KCNQ3: variants seen among roughly 807,000 people sequenced by gnomAD.
The protein encoded by KCNQ3 is potassium voltage-gated channel subfamily KQT member 3.
In KCNQ3, 30 loss-of-function variants were observed where a neutral mutation model predicts 92.5. The ratio of observed to expected loss-of-function variants is 0.32; its 90% CI spans 0.24 to 0.44. The LOEUF (loss-of-function observed/expected upper bound fraction) is 0.44, where lower values mean the gene tolerates loss of function less well. Ranked by LOEUF, KCNQ3 falls within the 20% of genes least tolerant of loss-of-function variation. The pLI is 1.00. For synonymous variants in KCNQ3, 450 were observed against 468.8 expected, an observed-to-expected ratio of 0.96 and a Z score of 0.52; for missense variants, 913 against 1,140.3, an observed-to-expected ratio of 0.80 and a Z score of 2.87.
In KCNQ3 at chr8:132,122,420, T is replaced by C. The variant is rs1326961614; in HGVS notation, c.*6842A>G. 1 of 152,206 alleles carries C rather than the reference T, an allele frequency of 6.6e-6. No individual in the cohort carries two copies. Among genetic ancestry groups the C allele is most frequent in the Non-Finnish European group, 1.5e-5 (1 of 68,042 alleles). 9.4% of individuals were successfully genotyped at this position (152,206 alleles called of 1,614,324 possible). ...TTTTTATTACTCTTAGGTATCAAAT[T>C]GCAGTCCATTCGACAAGTCTAAGAG... On this transcript the variant is annotated 3_prime_UTR_variant, in exon 15 of 15. Coordinates refer to ENST00000388996, the MANE Select transcript of KCNQ3 (RefSeq NM_004519.4).
At chr8:132,218,825 T>C (rs1226750875) in intron 1 of KCNQ3, among the ~76,000 whole-genome samples, 1 of 152,156 alleles carries the variant, frequency 6.6e-6, no homozygotes, top group Non-Finnish European at 1.5e-5. Context: ...AGATAGAAAA[T>C]TGAAAACAAA....
chr8:132,238,782 T>C (rs553198107), intron 1 of KCNQ3, among the ~76,000 whole-genome samples: 2 of 152,298 alleles, frequency 1.3e-5, no homozygotes, highest in South Asian at 4.2e-4. Context: ...AGAGTCTGTT[T>C]TCCCAGCTTG....
At chr8:132,428,788 TC>T (rs1452358995) in intron 1 of KCNQ3, among the ~76,000 whole-genome samples, 1 of 152,138 alleles carries the variant, frequency 6.6e-6, no homozygotes. Flanking sequence ...TTATATTCAC[TC>T]AGTTACATAA....
chr8:132,399,398 C>T (rs1820277495), intron 1 of KCNQ3, among the ~76,000 whole-genome samples: 2 of 152,180 alleles, frequency 1.3e-5, no homozygotes, highest in Admixed American at 1.3e-4. Flanking sequence ...CTCCCATGCA[C>T]CCAGTGTTTC....
chr8:132,235,294 G>C (rs897386649), intron 1 of KCNQ3, among the ~76,000 whole-genome samples: 1 of 152,168 alleles, frequency 6.6e-6, no homozygotes, highest in African/African-American at 2.4e-5. Context: ...CCTGAGGTCA[G>C]GAGTTCGAGA....
chr8:132,364,769 T>C (rs1202946965), intron 1 of KCNQ3, among the ~76,000 whole-genome samples: 1 of 152,138 alleles, frequency 6.6e-6, no homozygotes, highest in Non-Finnish European at 1.5e-5. Flanking sequence ...GGTGGATGGA[T>C]GGGTGAGTCA....
intron 1 of KCNQ3, among the ~76,000 whole-genome samples, chr8:132,292,401 T>A (rs1816885629): frequency 6.6e-6 from 1 of 152,190 alleles, no homozygotes; most frequent in Admixed American, 6.5e-5. Context: ...AAAAAGAGGT[T>A]CAGAGAGATG....
At chr8:132,320,759 G>A (rs561844305) in intron 1 of KCNQ3, among the ~76,000 whole-genome samples, 4 of 152,172 alleles carry the variant, frequency 2.6e-5, no homozygotes, top group East Asian at 3.9e-4. Flanking sequence ...CAGGCTTAAC[G>A]AATCCAAGGC....
intron 1 of KCNQ3, among the ~76,000 whole-genome samples, chr8:132,372,760 AAAAAAAAAAAAAC>A (rs1284956415): frequency 2.6e-5 from 2 of 76,444 alleles, no homozygotes; most frequent in East Asian, 3.3e-4. Flanking sequence ...ACTTTGTCTC[AAAAAAAAAAAAAC>A]AAAAAAAAAA....
intron 1 of KCNQ3, among the ~76,000 whole-genome samples, chr8:132,319,299 G>A (rs1215935409): frequency 6.6e-6 from 1 of 152,104 alleles, no homozygotes; most frequent in Non-Finnish European, 1.5e-5. Context: ...CTGACCCAAT[G>A]GGAATTTGAC....
At chr8:132,234,597 T>C (rs1013194554) in intron 1 of KCNQ3, among the ~76,000 whole-genome samples, 5 of 152,134 alleles carry the variant, frequency 3.3e-5, no homozygotes, top group Non-Finnish European at 7.3e-5. Context: ...GACACTGTGG[T>C]AGACACCTAT....
chr8:132,146,752 C>T (rs967334840), intron 9 of KCNQ3, among the ~76,000 whole-genome samples: 2 of 152,088 alleles, frequency 1.3e-5, no homozygotes, highest in Admixed American at 1.3e-4. Context: ...CCACACCTGG[C>T]TAATTTTTGT....
Position 132,266,674 on chromosome 8 carries a change from G to A in KCNQ3, c.387-80493C>T, listed in dbSNP as rs374377477. ...GGCCGAGAGTAGGGTTTCTCAAACC[G>A]GAGCTGCATCACGATCTCTGAAGGC... On this transcript the variant is annotated intron_variant, in intron 1 of 14. Coordinates refer to ENST00000388996, the MANE Select transcript of KCNQ3 (RefSeq NM_004519.4). Among the ~76,000 whole-genome samples, 5 of 152,214 alleles carry A rather than the reference G, an allele frequency of 3.3e-5. No homozygotes were observed. The South Asian group carries it at 8.3e-4, about 25-fold the overall frequency.
chr8:132,453,723 T>C (rs2130851946), intron 1 of KCNQ3, among the ~76,000 whole-genome samples: 1 of 152,238 alleles, frequency 6.6e-6, no homozygotes, highest in East Asian at 1.9e-4. Context: ...ACTTAAAACC[T>C]GGAGTAGAAT....
chr8:132,439,899 G>C (rs995812519), intron 1 of KCNQ3, among the ~76,000 whole-genome samples: 1 of 152,196 alleles, frequency 6.6e-6, no homozygotes, highest in Non-Finnish European at 1.5e-5. Context: ...TTACACAGAA[G>C]TAGGAAACTA....
rs372452861 is a variant in KCNQ3, at chr8:132,249,762, G to C, written c.387-63581C>G. Among the ~76,000 whole-genome samples, 526 of 152,308 alleles carry C rather than the reference G, an allele frequency of 3.5e-3. 3 individuals carry two copies. Among genetic ancestry groups the C allele is most frequent in the African/African-American group, 0.012 (497 of 41,576 alleles). On this transcript the variant is annotated intron_variant, in intron 1 of 14. Coordinates refer to ENST00000388996, the MANE Select transcript of KCNQ3 (RefSeq NM_004519.4). ...TGCAGGAGCCCACGGCTAGGGGGAG[G>C]CTCGGGCATGACGGGCTGCAGGTCC...
chr8:132,141,174 T>C lies in KCNQ3; in HGVS notation c.1420A>G (p.Thr474Ala), dbSNP rs1825283945. 5.6e-6 allele frequency: 9 copies of C among 1,614,204 alleles called. No individual in the cohort carries two copies. The East Asian group carries it at 2.0e-4, about 36-fold the overall frequency. ...GCGTAGGCTTTCATGCGGAAGGCCG[T>C]GCGGAAACGCTCTTTATTGTTTAAG... ...VGLNNKERFR[T>A]AFRMKAYAFW... The change falls in exon 10 of 15, where the codon ACG becomes GCG. Residue 474 changes from threonine to alanine, a missense_variant. By Grantham distance (58) the Thr-to-Ala change is moderately conservative. This residue lies in a region of KCNQ3 where 182 missense variants were observed against 234.5 expected (regional missense o/e 0.78). Transcript: ENST00000388996.
chr8:132,360,390 G>C (rs756227576), intron 1 of KCNQ3, among the ~76,000 whole-genome samples: 5 of 152,152 alleles, frequency 3.3e-5, no homozygotes, highest in Non-Finnish European at 5.9e-5. Context: ...TGGCTTGTTT[G>C]TTGATGACCC....
chr8:132,351,895 C>T (rs1327668458), intron 1 of KCNQ3, among the ~76,000 whole-genome samples: 1 of 152,142 alleles, frequency 6.6e-6, no homozygotes, highest in African/African-American at 2.4e-5. Flanking sequence ...CGCTTCTGCT[C>T]TCTAAGACTC....
Sources: allele counts gnomAD v4.1 joint callset (sites outside exome capture counted in the v4.1 genomes callset), GRCh38; gene constraint gnomAD v4.1.1; regional missense constraint gnomAD v4.1.1; transcripts MANE v1.5; gene names NCBI Gene and HGNC (gene_info 2026-07-23, HGNC 2026-07-21).